Variants in DCBLD2 observed in about 807,000 individuals in gnomAD.
DCBLD2 encodes discoidin, CUB and LCCL domain-containing protein 2.
DCBLD2 carries 54 observed loss-of-function variants against 86.8 expected under a neutral mutation model. That is an observed-to-expected ratio of 0.62 (90% CI 0.50 to 0.78). The LOEUF is 0.78. DCBLD2 is among the 30% of genes least tolerant of loss of function. The probability of loss-of-function intolerance (pLI) is 0.00; values close to 1 mark genes in which losing one functional copy is unlikely to be tolerated. For missense variants in DCBLD2, 908 were observed against 954.2 expected, an observed-to-expected ratio of 0.95 and a Z score of 0.64; for synonymous variants, 354 against 341.3, an observed-to-expected ratio of 1.04 and a Z score of -0.41.
chr3:98,861,824 G>A (rs1235232139), intron 2 of DCBLD2, among the ~76,000 whole-genome samples: 1 of 152,052 alleles, frequency 6.6e-6, no homozygotes, highest in East Asian at 1.9e-4. Context: ...AACTAGAGAA[G>A]CAAGAGCAAA....
At chr3:98,899,357 T>C (rs1305462981) in intron 1 of DCBLD2, among the ~76,000 whole-genome samples, 1 of 151,646 alleles carries the variant, frequency 6.6e-6, no homozygotes, top group Non-Finnish European at 1.5e-5. Flanking sequence ...GTTCAAGCGA[T>C]TCCCCTGCCT....
At chr3:98,825,720 GT>G (rs1234245892) in intron 3 of DCBLD2, among the ~76,000 whole-genome samples, 1 of 142,570 alleles carries the variant, frequency 7.0e-6, no homozygotes, top group East Asian at 2.2e-4. Context: ...TAGCTTTAAA[GT>G]GGTTTCTGTA....
rs1269298849 is a variant in DCBLD2 at position 98,897,805 on chromosome 3, C to A, written c.205+3317G>T. ...AAGAATTAATTCCCTGATATTTTACCATGTTCAAATTACATTCTAACCAAG... is the reference window on the plus strand; with the variant it reads ...AAGAATTAATTCCCTGATATTTTACAATGTTCAAATTACATTCTAACCAAG... On this transcript the variant is annotated intron_variant, in intron 1 of 15. Coordinates refer to ENST00000326840, the MANE Select transcript of DCBLD2 (RefSeq NM_080927.4). Among the ~76,000 whole-genome samples the A allele has an allele frequency of 3.3e-5, 5 of 152,018 alleles. No homozygotes were observed. In the East Asian group the frequency reaches 5.8e-4, roughly 18 times the overall value.
chr3:98,844,358 A>ATTATTATTATTATTG lies in DCBLD2; in HGVS notation c.571+5102_571+5103insCAATAATAATAATAA, dbSNP rs1942681551. ...GTCAGTAGCATTTATTATTATTATT[A>ATTATTATTATTATTG]TTATTATTATTATTTTGGGATAGAG... On this transcript the variant is annotated intron_variant, in intron 3 of 15. Transcript: ENST00000326840. Among the ~76,000 whole-genome samples the ATTATTATTATTATTG allele has an allele frequency of 3.3e-5, 5 of 149,748 alleles. No individual in the cohort carries two copies. In the East Asian group the frequency reaches 9.7e-4, roughly 29 times the overall value.
chr3:98,812,645 A>C, intron 9 of DCBLD2, 163 bp from the exon 10 acceptor site: 1 of 540,114 alleles, frequency 1.9e-6, no homozygotes, highest in Non-Finnish European at 3.1e-6. Flanking sequence ...ATTTGGAAAA[A>C]TATTAAGATG....
chr3:98,804,628 G>A (rs996370379), intron 13 of DCBLD2, among the ~76,000 whole-genome samples: 2 of 152,150 alleles, frequency 1.3e-5, no homozygotes, highest in South Asian at 4.2e-4. Context: ...TCTTTTAATT[G>A]TGATGTTAGG....
intron 2 of DCBLD2, among the ~76,000 whole-genome samples, chr3:98,855,929 A>C (rs1041134785): frequency 6.6e-6 from 1 of 152,210 alleles, no homozygotes; most frequent in African/African-American, 2.4e-5. Flanking sequence ...TAGTGATTCA[A>C]GGTCCTAGCT....
chr3:98,849,573 T>G lies in DCBLD2; in HGVS notation c.459A>C (p.Gln153His). Residue 153 changes from glutamine to histidine, a missense_variant, in exon 3 of 16, where the codon CAA becomes CAC. Gln to His is a conservative substitution (Grantham distance 24). Around this residue, in one of 3 missense-constraint regions of DCBLD2, gnomAD observed 294 missense variants for 256.0 expected, o/e 1.15. Transcript: ENST00000326840. Reference sequence around the variant, plus strand: ...CTTTTGATTCAATTGAATGGTTCATTTGCAACCCCAGACCACAGTATTTGC... The same window carrying G: ...CTTTTGATTCAATTGAATGGTTCATGTGCAACCCCAGACCACAGTATTTGC... Reference protein sequence around the residue: ...EIGKYCGLGLQMNHSIESKGN... With the variant: ...EIGKYCGLGLHMNHSIESKGN... The G allele has an allele frequency of 6.2e-7, 1 of 1,613,316 alleles. No homozygotes were observed. Among genetic ancestry groups the G allele is most frequent in the Non-Finnish European group, 8.5e-7 (1 of 1,179,334 alleles).
At chr3:98,877,874 G>A (rs891208755) in intron 2 of DCBLD2, among the ~76,000 whole-genome samples, 1 of 152,080 alleles carries the variant, frequency 6.6e-6, no homozygotes, top group African/African-American at 2.4e-5. Flanking sequence ...GCGTGAAGAG[G>A]CTCCCACTGG....
At chr3:98,849,249 T>A in intron 3 of DCBLD2, 1 of 569,192 alleles carries the variant, frequency 1.8e-6, no homozygotes, top group Non-Finnish European at 3.1e-6. Context: ...AGTATTTCCT[T>A]TACTAAGGAA....
intron 1 of DCBLD2, among the ~76,000 whole-genome samples, chr3:98,897,228 C>T (rs1159198050): frequency 2.6e-5 from 4 of 152,154 alleles, no homozygotes; most frequent in Non-Finnish European, 4.4e-5. Context: ...GTTTCTAACA[C>T]TGAGAAATCT....
intron 2 of DCBLD2, among the ~76,000 whole-genome samples, chr3:98,878,054 G>A (rs977068045): frequency 2.6e-5 from 4 of 152,012 alleles, no homozygotes; most frequent in Non-Finnish European, 5.9e-5. Context: ...AAGGAATAAT[G>A]AAATTAGAAA....
At chr3:98,886,806 CCCCT>C (rs1170858621) in intron 1 of DCBLD2, among the ~76,000 whole-genome samples, 19 of 138,310 alleles carry the variant, frequency 1.4e-4, no homozygotes, top group Non-Finnish European at 2.3e-4. Flanking sequence ...GAAAACCCCC[CCCCT>C]TTTTTTTTTT....
Position 98,819,495 on chromosome 3 carries a change from C to T in DCBLD2, c.872-78G>A, listed in dbSNP as rs1942080808. The T allele has an allele frequency of 2.8e-6, 4 of 1,432,734 alleles. No individual in the cohort carries two copies. In the Admixed American group the frequency reaches 7.5e-5, roughly 27 times the overall value. The allele number at this position is 1,432,734 out of a possible 1,614,324, so 88.8% of individuals were successfully genotyped here. ...TGTAGACCTGCTCACTGAAAACTTT[C>T]TATTCCATCTTTAATTAACATACAC... On this transcript the variant is annotated intron_variant, in intron 7 of 15. Transcript: ENST00000326840.
intron 2 of DCBLD2, among the ~76,000 whole-genome samples, chr3:98,852,532 C>A (rs559130424): frequency 2.9e-4 from 44 of 152,362 alleles, no homozygotes; most frequent in African/African-American, 1.1e-3. Context: ...CAGGCGTGAG[C>A]CACCGCACCC....
At chr3:98,887,004 G>T (rs1943575679) in intron 1 of DCBLD2, among the ~76,000 whole-genome samples, 1 of 151,660 alleles carries the variant, frequency 6.6e-6, no homozygotes, top group South Asian at 2.1e-4. Context: ...GCCACCCCCA[G>T]ATTTTAGCCA....
intron 2 of DCBLD2, among the ~76,000 whole-genome samples, chr3:98,870,800 A>AGAAAGAAAGAAAGAAAGAAAGAAG (rs2107511942): frequency 6.7e-6 from 1 of 148,802 alleles, no homozygotes; most frequent in East Asian, 2.0e-4. Flanking sequence ...AAAGAAAGAA[A>AGAAAGAAAGAAAGAAAGAAAGAAG]GAAAGAAAGA....
At chr3:98,895,872 GCA>G (rs1464072673) in intron 1 of DCBLD2, among the ~76,000 whole-genome samples, 1 of 152,120 alleles carries the variant, frequency 6.6e-6, no homozygotes, top group Non-Finnish European at 1.5e-5. Context: ...TGAGGTACAT[GCA>G]CACTCTCTTG....
intron 9 of DCBLD2, chr3:98,814,014 A>T (rs1258023073): frequency 6.6e-6 from 1 of 152,146 alleles, no homozygotes; most frequent in East Asian, 1.9e-4. Flanking sequence ...GTTTCTAAAG[A>T]CCATTAATAA....
Sources: allele counts gnomAD v4.1 joint callset (sites outside exome capture counted in the v4.1 genomes callset), GRCh38; gene constraint gnomAD v4.1.1; regional missense constraint gnomAD v4.1.1; transcripts MANE v1.5; gene names NCBI Gene and HGNC (gene_info 2026-07-23, HGNC 2026-07-21).